APBA1: variants seen among roughly 807,000 people sequenced by gnomAD.
The protein encoded by APBA1 is amyloid-beta A4 precursor protein-binding family A member 1.
A neutral mutation model predicts 86.6 loss-of-function variants in APBA1; 55 were observed. The observed-to-expected ratio is 0.64, with a 90% CI of 0.51 to 0.80. APBA1 has a LOEUF of 0.80. Among genes scored for constraint, APBA1 ranks in the 30% least tolerant of loss-of-function variants. The pLI is 0.00. For synonymous variants in APBA1, 511 were observed against 493.9 expected (o/e 1.03, Z -0.46); for missense variants, 1,090 against 1,183.0 (o/e 0.92, Z 1.15).
intron 1 of APBA1, among the ~76,000 whole-genome samples, chr9:69,532,061 A>G (rs1043353438): frequency 7.3e-5 from 11 of 151,472 alleles, no homozygotes; most frequent in Admixed American, 4.0e-4. Flanking sequence ...AGTGAACCCT[A>G]ATGTAAACTA....
At chr9:69,435,991 A>C (rs1304798183) in intron 11 of APBA1, among the ~76,000 whole-genome samples, 4 of 152,074 alleles carry the variant, frequency 2.6e-5, no homozygotes, top group African/African-American at 4.8e-5. Flanking sequence ...TCAGCTTTCT[A>C]CATATGGCTA....
intron 11 of APBA1, among the ~76,000 whole-genome samples, chr9:69,433,400 T>TTA (rs1834639173): frequency 6.6e-6 from 1 of 152,212 alleles, no homozygotes; most frequent in South Asian, 2.1e-4. Context: ...CATGCACCTT[T>TTA]ATTTAAAAGT....
At chr9:69,550,528 A>G (rs2133927770) in intron 1 of APBA1, among the ~76,000 whole-genome samples, 1 of 152,332 alleles carries the variant, frequency 6.6e-6, no homozygotes, top group South Asian at 2.1e-4. Flanking sequence ...GTTGGAGCAA[A>G]TTACCTTTAA....
chr9:69,495,762 A>G (rs1192973244), intron 2 of APBA1, among the ~76,000 whole-genome samples: 7 of 152,078 alleles, frequency 4.6e-5, no homozygotes, highest in Non-Finnish European at 2.9e-5. Context: ...GTGAAAAAGC[A>G]TCCAGCTCAT....
chr9:69,456,369 C>A lies in APBA1; in HGVS notation c.1666G>T (p.Val556Leu). Residue 556 changes from valine to leucine, a missense_variant, in exon 8 of 13, where the codon GTG becomes TTG. Physicochemically the swap from Val to Leu is conservative, Grantham distance 32. Coordinates refer to ENST00000265381, the MANE Select transcript of APBA1 (RefSeq NM_001163.4). ...SYIADIGNIV[V>L]LMARRRMPRS... ...GGCATCCGCCGGCGGGCCATCAGCACAACGATGTTCCCAATGTCCGCAATG... is the reference window on the plus strand; with the variant it reads ...GGCATCCGCCGGCGGGCCATCAGCAAAACGATGTTCCCAATGTCCGCAATG... The A allele has an allele frequency of 6.2e-7, 1 of 1,613,832 alleles. No individual in the cohort carries two copies. Among genetic ancestry groups the A allele is most frequent in the Non-Finnish European group, 8.5e-7 (1 of 1,179,800 alleles).
At chr9:69,607,797 C>G (rs1227866795) in intron 1 of APBA1, among the ~76,000 whole-genome samples, 2 of 152,222 alleles carry the variant, frequency 1.3e-5, no homozygotes, top group African/African-American at 4.8e-5. Flanking sequence ...ATTACTTGGG[C>G]TGGAATCTCA....
intron 1 of APBA1, among the ~76,000 whole-genome samples, chr9:69,609,899 A>G (rs1240578415): frequency 6.6e-6 from 1 of 152,096 alleles, no homozygotes; most frequent in Non-Finnish European, 1.5e-5. Context: ...CCCGGGCTCA[A>G]GTGATTCTCC....
intron 2 of APBA1, among the ~76,000 whole-genome samples, chr9:69,486,559 A>G (rs1433488610): frequency 6.6e-6 from 1 of 152,058 alleles, no homozygotes; most frequent in Admixed American, 6.5e-5. Flanking sequence ...ACACAGAGGT[A>G]GTGGTCAGTT....
rs1178345776 is a variant in APBA1, at chr9:69,476,212, G to A, written c.1201-69C>T. The A allele has an allele frequency of 6.8e-6, 8 of 1,169,800 alleles. No individual in the cohort carries two copies. The East Asian group carries it at 1.9e-4, about 27-fold the overall frequency. 72.5% of individuals were successfully genotyped at this position (1,169,800 alleles called of 1,614,324 possible). A position where few individuals can be genotyped will look rare whatever the true frequency, so the allele number is the denominator to read the frequency against. On this transcript the variant is annotated intron_variant, in intron 2 of 12. Coordinates refer to ENST00000265381, the MANE Select transcript of APBA1 (RefSeq NM_001163.4). ...CGGCAGACACTTGGCTGGGGGAAAG[G>A]GGCCGGGAGAGAGAAGCAAAGCAGA...
Position 69,516,616 on chromosome 9 carries a change from C to T in APBA1, c.595G>A (p.Glu199Lys), listed in dbSNP as rs939757240. The T allele has an allele frequency of 1.2e-6, 2 of 1,606,854 alleles. No homozygotes were observed. Among genetic ancestry groups the T allele is most frequent in the Non-Finnish European group, 8.5e-7 (1 of 1,179,246 alleles). Reference sequence around the variant, plus strand: ...AGCTCGGGCGCGTCCCCTATCTCCTCGTACACGTGCTCCTGGAGGCCGCCG... The same window carrying T: ...AGCTCGGGCGCGTCCCCTATCTCCTTGTACACGTGCTCCTGGAGGCCGCCG... Reference protein sequence around the residue: ...DYGGLQEHVYEEIGDAPELDA... With the variant: ...DYGGLQEHVYKEIGDAPELDA... Residue 199 changes from glutamate (E) to lysine (K), a missense_variant, in exon 2 of 13, where the codon GAG (glutamate) becomes AAG (lysine). Coordinates refer to ENST00000265381, the MANE Select transcript of APBA1 (RefSeq NM_001163.4). This position sits in a 1 kb window ranked among gnomAD's most constrained non-coding sequence, Gnocchi z 7.3.
chr9:69,590,119 T>C (rs934251211), intron 1 of APBA1, among the ~76,000 whole-genome samples: 7 of 152,228 alleles, frequency 4.6e-5, no homozygotes, highest in African/African-American at 1.4e-4. Context: ...TCTGAGTTTC[T>C]ATCCCTGTGC....
At position 69,495,247 on chromosome 9, in the gene APBA1, T is replaced by C. The variant is rs1835776724; in HGVS notation, c.1201-19104A>G. On this transcript the variant is annotated intron_variant, in intron 2 of 12. Coordinates refer to ENST00000265381, the MANE Select transcript of APBA1 (RefSeq NM_001163.4). ...TACTAACTCCTACCGTCAAGGGAAA[T>C]GCAGAGACCAACTTATAACCTGACA... Among the ~76,000 whole-genome samples the C allele has an allele frequency of 5.3e-5, 8 of 151,950 alleles. No individual in the cohort carries two copies. In the South Asian group the frequency reaches 1.7e-3, roughly 32 times the overall value.
chr9:69,618,953 C>A lies in APBA1; in HGVS notation c.-70+53200G>T, dbSNP rs564206289. Among the ~76,000 whole-genome samples the A allele has an allele frequency of 1.9e-3, 291 of 152,250 alleles. 2 individuals carry two copies. Among genetic ancestry groups the A allele is most frequent in the African/African-American group, 6.6e-3 (275 of 41,530 alleles). ...TCTTCAAAATAAGGACAATATCTAC[C>A]CCATGGGCTGTGTGAAAAGTTAATG... On this transcript the variant is annotated intron_variant, in intron 1 of 12. Transcript: ENST00000265381.
intron 1 of APBA1, among the ~76,000 whole-genome samples, chr9:69,537,345 C>G (rs961473360): frequency 6.6e-6 from 1 of 152,090 alleles, no homozygotes; most frequent in African/African-American, 2.4e-5. Flanking sequence ...TACTTCACCT[C>G]TGCACTAAGT....
intron 1 of APBA1, among the ~76,000 whole-genome samples, chr9:69,564,251 G>A (rs1439019238): frequency 6.6e-6 from 1 of 152,146 alleles, no homozygotes; most frequent in Non-Finnish European, 1.5e-5. Context: ...GAAACCCAGT[G>A]ACAACTGTAA....
rs552362201 is a variant in APBA1 at position 69,553,158 on chromosome 9, G to A, written c.-69-35879C>T. Among the ~76,000 whole-genome samples the A allele has an allele frequency of 9.2e-5, 14 of 152,140 alleles. No homozygotes were observed. The East Asian group carries it at 1.4e-3, about 15-fold the overall frequency. On this transcript the variant is annotated intron_variant, in intron 1 of 12. Coordinates refer to ENST00000265381, the MANE Select transcript of APBA1 (RefSeq NM_001163.4). ...TGGGCTCAATTGATCTGCCTGCCTC[G>A]GCTTCCCAAAGTGCTGGCATGAGCC...
At chr9:69,582,174 A>G (rs1001206775) in intron 1 of APBA1, among the ~76,000 whole-genome samples, 2 of 152,212 alleles carry the variant, frequency 1.3e-5, no homozygotes, top group Non-Finnish European at 2.9e-5. Flanking sequence ...ACCTATTCTA[A>G]GTGGCTTTGG....
At chr9:69,609,413 C>T (rs946640106) in intron 1 of APBA1, among the ~76,000 whole-genome samples, 6 of 152,204 alleles carry the variant, frequency 3.9e-5, no homozygotes, top group African/African-American at 1.2e-4. Context: ...TGGACTGGTG[C>T]TACCTTTGTT....
intron 1 of APBA1, 131 bp downstream of exon 1, chr9:69,672,022 C>T (rs1260750233): frequency 6.5e-6 from 1 of 153,038 alleles, no homozygotes; most frequent in African/African-American, 2.4e-5. Context: ...GCTGCCTCCG[C>T]TCCTCCGCAC....
Sources: allele counts gnomAD v4.1 joint callset (sites outside exome capture counted in the v4.1 genomes callset), GRCh38; gene constraint gnomAD v4.1.1; non-coding constraint Gnocchi (gnomAD v3.1); transcripts MANE v1.5; gene names NCBI Gene and HGNC (gene_info 2026-07-23, HGNC 2026-07-21).